The following MSRA variants were observed in gnomAD, a reference collection of about 807,000 sequenced individuals.
The protein encoded by MSRA is methionine sulfoxide reductase A.
MSRA carries 54 observed loss-of-function variants against 31.3 expected under a neutral mutation model. The observed-to-expected ratio is 1.73, with a 90% CI of 1.39 to 2.17. MSRA has a LOEUF of 2.17. MSRA is among the 30% of genes most tolerant of loss of function. The pLI, the probability that MSRA is intolerant of heterozygous loss-of-function variation, is 0.00. For synonymous variants in MSRA, 169 were observed against 116.5 expected (o/e 1.45, Z -2.90); for missense variants, 507 against 300.9 (o/e 1.69, Z -5.07).
intron 3 of MSRA, 87 bp downstream of exon 3, chr8:10,245,310 A>T: frequency 4.0e-6 from 5 of 1,265,812 alleles, no homozygotes; most frequent in Non-Finnish European, 4.4e-6. Flanking sequence ...TTAAAATGGA[A>T]ATATGTTTTT....
chr8:10,062,253 C>T (rs1237558227), intron 1 of MSRA, among the ~76,000 whole-genome samples: 1 of 152,196 alleles, frequency 6.6e-6, no homozygotes, highest in Non-Finnish European at 1.5e-5. Context: ...AGCTGGCTGG[C>T]CCTGCCCTCC....
chr8:10,058,136 T>G (rs1002269273), intron 1 of MSRA, among the ~76,000 whole-genome samples: 2 of 152,224 alleles, frequency 1.3e-5, no homozygotes, highest in Non-Finnish European at 1.5e-5. Flanking sequence ...GTGCTTTTTT[T>G]GGGCACTAAC....
intron 5 of MSRA, among the ~76,000 whole-genome samples, chr8:10,354,637 A>T (rs895573755): frequency 6.6e-6 from 1 of 151,850 alleles, no homozygotes; most frequent in Non-Finnish European, 1.5e-5. Flanking sequence ...AATGATTACA[A>T]ATGCATCGGT....
At chr8:10,095,544 G>A in intron 1 of MSRA, 2 of 985,662 alleles carry the variant, frequency 2.0e-6, no homozygotes, top group Non-Finnish European at 2.4e-6. Context: ...GCCATACTGG[G>A]AGCAAAAGAG....
At chr8:10,313,393 C>G (rs930079198) in intron 4 of MSRA, among the ~76,000 whole-genome samples, 1 of 151,848 alleles carries the variant, frequency 6.6e-6, no homozygotes, top group Non-Finnish European at 1.5e-5. Context: ...TCTATTATGT[C>G]CACCCACTGG....
intron 1 of MSRA, among the ~76,000 whole-genome samples, chr8:10,178,407 C>T (rs187017502): frequency 6.6e-6 from 1 of 151,934 alleles, no homozygotes; most frequent in Non-Finnish European, 1.5e-5. Flanking sequence ...CTGGGCAAGA[C>T]AGCGAGACCC....
intron 3 of MSRA, among the ~76,000 whole-genome samples, chr8:10,248,388 C>T (rs1434556987): frequency 1.3e-5 from 2 of 152,132 alleles, no homozygotes; most frequent in African/African-American, 4.8e-5. Context: ...TTAACAGAAT[C>T]CACAGGGCCA....
chr8:10,153,378 C>G (rs533537032), intron 1 of MSRA, among the ~76,000 whole-genome samples: 1 of 152,266 alleles, frequency 6.6e-6, no homozygotes, highest in South Asian at 2.1e-4. Flanking sequence ...CTGTCTCCCT[C>G]TCACGTGCCT....
At chr8:10,282,924 C>G (rs367943693) in intron 3 of MSRA, among the ~76,000 whole-genome samples, 4 of 152,076 alleles carry the variant, frequency 2.6e-5, no homozygotes, top group African/African-American at 9.7e-5. Flanking sequence ...CCTTCCACCT[C>G]CCTCCAGAAA....
At chr8:10,071,372 C>G (rs1386434231) in intron 1 of MSRA, among the ~76,000 whole-genome samples, 2 of 149,280 alleles carry the variant, frequency 1.3e-5, no homozygotes, top group Non-Finnish European at 3.0e-5. Context: ...TCAGCGGAGT[C>G]TTTTATATAT....
intron 1 of MSRA, among the ~76,000 whole-genome samples, chr8:10,187,556 A>C (rs551725077): frequency 2.0e-5 from 3 of 152,252 alleles, no homozygotes; most frequent in Non-Finnish European, 2.9e-5. Flanking sequence ...GACTTAATAC[A>C]TTTCTCAACA....
intron 5 of MSRA, among the ~76,000 whole-genome samples, chr8:10,415,225 G>T (rs995829263): frequency 6.6e-6 from 1 of 152,180 alleles, no homozygotes; most frequent in South Asian, 2.1e-4. Flanking sequence ...CACCATTCAC[G>T]ATGTGCGGTA....
intron 2 of MSRA, among the ~76,000 whole-genome samples, chr8:10,212,921 A>G (rs1428209770): frequency 3.3e-5 from 5 of 152,184 alleles, no homozygotes; most frequent in African/African-American, 1.2e-4. Context: ...GGTACATAGT[A>G]GGTATATATA....
chr8:10,349,868 A>G (rs1804015923), intron 5 of MSRA, among the ~76,000 whole-genome samples: 1 of 152,174 alleles, frequency 6.6e-6, no homozygotes, highest in Non-Finnish European at 1.5e-5. Flanking sequence ...TGCTGCTAGC[A>G]TGTTGGAGCC....
At chr8:10,104,939 C>G (rs1045455842) in intron 1 of MSRA, among the ~76,000 whole-genome samples, 1 of 152,166 alleles carries the variant, frequency 6.6e-6, no homozygotes, top group Non-Finnish European at 1.5e-5. Flanking sequence ...TGTATCTTCA[C>G]CAACAGTTGG....
intron 3 of MSRA, among the ~76,000 whole-genome samples, chr8:10,256,948 T>A (rs17694485): frequency 0.28 from 42,340 of 152,172 alleles, 7,882 homozygotes; most frequent in Non-Finnish European, 0.43. Flanking sequence ...AGTTTGTTTA[T>A]CTTCTAGGCT....
intron 2 of MSRA, among the ~76,000 whole-genome samples, chr8:10,235,253 T>A (rs996069271): frequency 6.6e-6 from 1 of 152,064 alleles, no homozygotes; most frequent in Non-Finnish European, 1.5e-5. Flanking sequence ...GAAATAAAAT[T>A]GTGAAGGTAG....
rs562999333 is a variant in MSRA at position 10,175,045 on chromosome 8, C to T, written c.143-32788C>T. 7.9e-5 allele frequency among the ~76,000 whole-genome samples: 12 copies of T among 152,282 alleles called. No homozygotes were observed. In the East Asian group the frequency reaches 2.1e-3, roughly 27 times the overall value. Reference sequence around the variant, plus strand: ...ACTCATCCGTCCCTTGTGATCTACCCGAACATGATTCACCATCCACATTTC... The same window carrying T: ...ACTCATCCGTCCCTTGTGATCTACCTGAACATGATTCACCATCCACATTTC... On this transcript the variant is annotated intron_variant, in intron 1 of 5. Coordinates refer to ENST00000317173, the MANE Select transcript of MSRA (RefSeq NM_012331.5).
intron 5 of MSRA, among the ~76,000 whole-genome samples, chr8:10,335,262 T>TTTTG (rs1802968170): frequency 6.7e-6 from 1 of 148,264 alleles, no homozygotes; most frequent in Non-Finnish European, 1.5e-5. Flanking sequence ...TTTTTTTTTT[T>TTTTG]TTTTTTTTTT....
Sources: allele counts gnomAD v4.1 joint callset (sites outside exome capture counted in the v4.1 genomes callset), GRCh38; gene constraint gnomAD v4.1.1; transcripts MANE v1.5; gene names NCBI Gene and HGNC (gene_info 2026-07-23, HGNC 2026-07-21).